ZNF799: variants seen among roughly 807,000 people sequenced by gnomAD.
ZNF799 encodes the protein zinc finger protein 14.
A neutral mutation model predicts 41.0 loss-of-function variants in ZNF799; 28 were observed. That is an observed-to-expected ratio of 0.68 (90% CI 0.51 to 0.94). The LOEUF is 0.94. Among genes scored for constraint, ZNF799 ranks in the 40% least tolerant of loss-of-function variants. ZNF799 has a pLI of 0.00. For missense variants in ZNF799, 716 were observed against 764.3 expected (o/e 0.94, Z 0.74); for synonymous variants, 213 against 252.9 (o/e 0.84, Z 1.50).
At chr19:12,411,247 T>G in the ZNF799 span, among the ~76,000 whole-genome samples, 5 of 152,340 alleles carry the variant, frequency 3.3e-5, 1 homozygote, top group Admixed American at 3.3e-4. Context: ...GTTTATGGTA[T>G]GCAGCCTGTG....
At position 12,390,942 on chromosome 19, in the gene ZNF799, T is replaced by G; in HGVS notation, c.1456A>C (p.Ser486Arg). The G allele has an allele frequency of 5.6e-6, 9 of 1,613,146 alleles. No homozygotes were observed. The highest frequency in any genetic ancestry group is 7.6e-6 in the Non-Finnish European group (9 of 1,179,714). ...TGTTGAGAAAGGTATTGGAAACAACTGAATGCTTTCCCACATTCCTTACAC... is the reference window on the plus strand; with the variant it reads ...TGTTGAGAAAGGTATTGGAAACAACGGAATGCTTTCCCACATTCCTTACAC... ...YECKECGKAF[S>R]CFQYLSQHRR... The change falls in exon 4 of 4, where the codon AGT (serine) becomes CGT (arginine). Residue 486 changes from serine to arginine, a missense_variant. Ser to Arg is a moderately radical substitution (Grantham distance 110, BLOSUM62 -1). Coordinates refer to ENST00000430385, the MANE Select transcript of ZNF799 (RefSeq NM_001080821.3).
the ZNF799 span, among the ~76,000 whole-genome samples, chr19:12,410,566 TAAAG>T: frequency 6.6e-6 from 1 of 151,910 alleles, no homozygotes; most frequent in Non-Finnish European, 1.5e-5. Flanking sequence ...TTTGAGAAAC[TAAAG>T]AAAGAACTCC....
At position 12,390,863 on chromosome 19, in the gene ZNF799, G is replaced by T; in HGVS notation, c.1535C>A (p.Ala512Asp). 2 of 1,614,090 alleles carry T rather than the reference G, an allele frequency of 1.2e-6. No homozygotes were observed. Among genetic ancestry groups the T allele is most frequent in the East Asian group, 4.5e-5 (2 of 44,830 alleles). The change falls in exon 4 of 4, where the codon GCC becomes GAC. Residue 512 changes from alanine (A) to aspartate (D), a missense_variant. Around this residue, in one of 2 missense-constraint regions of ZNF799, gnomAD observed 698 missense variants for 713.6 expected, o/e 0.98. Coordinates refer to ENST00000430385, the MANE Select transcript of ZNF799 (RefSeq NM_001080821.3). ...KPYECNTCKK[A>D]FSHFGNLKVH... Reference sequence around the variant, plus strand: ...TTTTAAGTTACCAAAATGACTGAAGGCTTTCTTACATGTGTTACACTCATA... The same window carrying T: ...TTTTAAGTTACCAAAATGACTGAAGTCTTTCTTACATGTGTTACACTCATA...
At chr19:12,398,901 AAAAT>A (rs1431348572) in intron 1 of ZNF799, among the ~76,000 whole-genome samples, 4 of 152,206 alleles carry the variant, frequency 2.6e-5, no homozygotes, top group East Asian at 1.9e-4. Flanking sequence ...TGGGGCAAAA[AAAAT>A]AAATAAAGGT....
chr19:12,410,262 T>C, the ZNF799 span, among the ~76,000 whole-genome samples: 1 of 50,010 alleles, frequency 2.0e-5, no homozygotes, highest in Non-Finnish European at 3.4e-5. Flanking sequence ...TGCATATATA[T>C]ATATATATAT....
chr19:12,392,680 G>A lies in ZNF799; in HGVS notation c.131-17C>T. The A allele has an allele frequency of 1.3e-6, 2 of 1,578,282 alleles. No individual in the cohort carries two copies. The highest frequency in any genetic ancestry group is 1.7e-6 in the Non-Finnish European group (2 of 1,157,224). On this transcript the variant is annotated splice_polypyrimidine_tract_variant and intron_variant, in intron 2 of 3. Coordinates refer to ENST00000430385, the MANE Select transcript of ZNF799 (RefSeq NM_001080821.3). ...ATTTCATTCCTAAAAGGTATACACA[G>A]AAAAATCATTACAAATTTTTACAAA...
upstream of ZNF799, among the ~76,000 whole-genome samples, chr19:12,402,110 G>A (rs2144914009): frequency 6.6e-6 from 1 of 152,342 alleles, no homozygotes; most frequent in South Asian, 2.1e-4. Context: ...ATGGGGTCTT[G>A]CTCTGTTGCC....
Position 12,390,578 on chromosome 19 carries a change from T to C in ZNF799, c.1820A>G (p.Lys607Arg). ...FASLSSLHRH[K>R]KTHWKKTHTG... is the part of the protein sequence containing the mutation. ...GTGAGTTTTTTTCCAGTGAGTCTTT[T>C]TATGTCTATGCAAGGAACTGAGAGA... The change falls in exon 4 of 4, where the codon AAA becomes AGA. Residue 607 changes from lysine (K) to arginine (R), a missense_variant. Physicochemically the swap from Lys to Arg is conservative, Grantham distance 26. This residue lies in a region of ZNF799 where 698 missense variants were observed against 713.6 expected (regional missense o/e 0.98). Transcript: ENST00000430385. The C allele has an allele frequency of 6.2e-7, 1 of 1,613,650 alleles. No individual in the cohort carries two copies. The highest frequency in any genetic ancestry group is 8.5e-7 in the Non-Finnish European group (1 of 1,179,796).
chr19:12,406,067 G>C (rs975354813), upstream of ZNF799, among the ~76,000 whole-genome samples: 2 of 151,192 alleles, frequency 1.3e-5, no homozygotes, highest in Non-Finnish European at 2.9e-5. Context: ...CAGCTACTCG[G>C]GAGGCTGAGG....
chr19:12,410,997 T>G, the ZNF799 span, among the ~76,000 whole-genome samples: 1 of 152,172 alleles, frequency 6.6e-6, no homozygotes, highest in Non-Finnish European at 1.5e-5. Context: ...CAAACACTTA[T>G]GGAAGAAATG....
chr19:12,403,882 C>T (rs2144916720), upstream of ZNF799, among the ~76,000 whole-genome samples: 1 of 152,208 alleles, frequency 6.6e-6, no homozygotes, highest in South Asian at 2.1e-4. Context: ...GATGTAGGTG[C>T]TTATATCTAT....
Position 12,401,123 on chromosome 19 carries a change from C to A in ZNF799, c.-53G>T. The A allele has an allele frequency of 6.2e-7, 1 of 1,612,846 alleles. No homozygotes were observed. The highest frequency in any genetic ancestry group is 8.5e-7 in the Non-Finnish European group (1 of 1,179,602). ...CTCCGGACGGCTCCCGCTGCCAATG[C>A]GGGTTCCCGCGGGACACAGGCTGCC... On this transcript the variant is annotated 5_prime_UTR_variant, in exon 1 of 4. Transcript: ENST00000430385.
At chr19:12,408,771 C>A in the ZNF799 span, among the ~76,000 whole-genome samples, 1 of 152,128 alleles carries the variant, frequency 6.6e-6, no homozygotes, top group African/African-American at 2.4e-5. Flanking sequence ...TGGTGGCTCA[C>A]GCCTGTCATC....
chr19:12,405,900 C>T (rs1204092540), upstream of ZNF799, among the ~76,000 whole-genome samples: 3 of 152,058 alleles, frequency 2.0e-5, no homozygotes, highest in African/African-American at 7.2e-5. Flanking sequence ...TAGAGCCGAG[C>T]GCGATGGCTC....
chr19:12,409,780 C>T, the ZNF799 span, among the ~76,000 whole-genome samples: 1 of 152,102 alleles, frequency 6.6e-6, no homozygotes, highest in Non-Finnish European at 1.5e-5. Context: ...ATTTGAACAA[C>T]AAACATCCAA....
At chr19:12,413,672 C>T in the ZNF799 span, among the ~76,000 whole-genome samples, 1 of 152,226 alleles carries the variant, frequency 6.6e-6, no homozygotes, top group Admixed American at 6.5e-5. Context: ...AACTTAAATT[C>T]ATCCATAATC....
intron 1 of ZNF799, chr19:12,398,095 G>T (rs761887383): frequency 1.3e-5 from 2 of 151,010 alleles, no homozygotes; most frequent in Non-Finnish European, 3.0e-5. Flanking sequence ...CTAAAAATAC[G>T]AAAGAAAAAA....
rs1969834098 is a variant in ZNF799 at position 12,392,132 on chromosome 19, T to C, written c.266A>G (p.Asp89Gly). Residue 89 changes from aspartate to glycine, a missense_variant, in exon 4 of 4, where the codon GAT becomes GGT. This residue lies in a region of ZNF799 where 698 missense variants were observed against 713.6 expected (regional missense o/e 0.98). Transcript: ENST00000430385. ...AAGAGTGTTCTTGGTCACAATACTA[T>C]CTTGAATCTGGCTAGATGTTTCTCC... is the stretch of plus-strand genomic sequence containing the variant. ...QCGETSSQIQ[D>G]SIVTKNTLPG... is the part of the protein sequence containing the mutation. 1.2e-6 allele frequency: 2 copies of C among 1,613,746 alleles called. No individual in the cohort carries two copies. Among genetic ancestry groups the C allele is most frequent in the Non-Finnish European group, 1.7e-6 (2 of 1,179,708 alleles).
At chr19:12,392,911 A>G (rs1464440798) in intron 2 of ZNF799, among the ~76,000 whole-genome samples, 2 of 152,262 alleles carry the variant, frequency 1.3e-5, no homozygotes, top group Non-Finnish European at 2.9e-5. Context: ...TGTGAAGACA[A>G]TGAGAATGAA....
Sources: gnomAD v4.1 joint callset for allele counts (sites outside exome capture counted in the v4.1 genomes callset) on GRCh38, gnomAD v4.1.1 for gene constraint, gnomAD v4.1.1 regional missense constraint, MANE v1.5 for transcripts, NCBI Gene and HGNC (gene_info 2026-07-23, HGNC 2026-07-21) for gene names.